BIRC6: variants seen among roughly 807,000 people sequenced by gnomAD.
The protein encoded by BIRC6 is dual E2 ubiquitin-conjugating enzyme/E3 ubiquitin-protein ligase BIRC6.
A neutral mutation model predicts 503.3 loss-of-function variants in BIRC6; 98 were observed. The ratio of observed to expected loss-of-function variants is 0.19; its 90% CI spans 0.17 to 0.23. BIRC6 has a LOEUF of 0.23. Ranked by LOEUF, BIRC6 falls within the 10% of genes least tolerant of loss-of-function variation. The pLI is 1.00. For synonymous variants in BIRC6, 2,240 were observed against 2,078.7 expected, an observed-to-expected ratio of 1.08 and a Z score of -2.11; for missense variants, 5,360 against 5,806.0, an observed-to-expected ratio of 0.92 and a Z score of 2.50.
At position 32,443,621 on chromosome 2, in the gene BIRC6, T is replaced by C. The variant is rs374942263; in HGVS notation, c.4336+33T>C. On this transcript the variant is annotated intron_variant, in intron 20 of 73. Transcript: ENST00000421745. ...AAATTAATTTAATCACAAATAGTTA[T>C]AGTCATATGGAACATCTCATATGTA... 4.9e-4 allele frequency: 709 copies of C among 1,450,226 alleles called. 2 individuals carry two copies. Among genetic ancestry groups the C allele is most frequent in the Middle Eastern group, 2.8e-3 (14 of 5,040 alleles). The allele number at this position is 1,450,226 out of a possible 1,614,324, so 89.8% of individuals were successfully genotyped here. A position where few individuals can be genotyped will look rare whatever the true frequency, so the allele number is the denominator to read the frequency against.
intron 34 of BIRC6, among the ~76,000 whole-genome samples, chr2:32,476,745 A>G (rs2049809650): frequency 1.3e-5 from 2 of 152,108 alleles, no homozygotes; most frequent in Admixed American, 6.5e-5. Context: ...TACCCTTAGT[A>G]TTGTTATTGG....
chr2:32,460,245 G>GATATATATATATATATATATATAT (rs1269564471), intron 23 of BIRC6, among the ~76,000 whole-genome samples: 1 of 30,984 alleles, frequency 3.2e-5, no homozygotes, highest in African/African-American at 1.2e-4. Context: ...TCTCGTATAT[G>GATATATATATATATATATATATAT]ATATATATAT....
At chr2:32,393,203 A>G (rs1242653470) in intron 5 of BIRC6, among the ~76,000 whole-genome samples, 2 of 152,094 alleles carry the variant, frequency 1.3e-5, no homozygotes, top group East Asian at 3.9e-4. Flanking sequence ...GCATTAAAGA[A>G]CTGATTAAGT....
intron 10 of BIRC6, among the ~76,000 whole-genome samples, chr2:32,419,273 CAT>C (rs2042698717): frequency 1.3e-5 from 2 of 152,200 alleles, no homozygotes; most frequent in South Asian, 4.1e-4. Context: ...ATTCAAATAA[CAT>C]AAAACTATTT....
At chr2:32,539,052 A>T (rs1339608967) in intron 61 of BIRC6, among the ~76,000 whole-genome samples, 2 of 152,314 alleles carry the variant, frequency 1.3e-5, no homozygotes, top group African/African-American at 4.8e-5. Context: ...TGAAAGAAAA[A>T]AGCTGCTACC....
At chr2:32,381,738 G>A (rs955983853) in intron 3 of BIRC6, among the ~76,000 whole-genome samples, 5 of 152,002 alleles carry the variant, frequency 3.3e-5, no homozygotes, top group African/African-American at 7.2e-5. Context: ...TAGAAATTGG[G>A]TTTCACTATG....
chr2:32,488,543 T>C, intron 41 of BIRC6, 45 bp from the exon 42 acceptor site: 1 of 1,444,480 alleles, frequency 6.9e-7, no homozygotes, highest in Non-Finnish European at 9.2e-7. Flanking sequence ...TATTTCATAT[T>C]ATAATAGGTA....
chr2:32,375,789 C>T (rs2036679299), intron 1 of BIRC6, among the ~76,000 whole-genome samples: 1 of 145,240 alleles, frequency 6.9e-6, no homozygotes, highest in Admixed American at 7.0e-5. Context: ...AATCATATGA[C>T]TTGTCCCTGC....
intron 9 of BIRC6, among the ~76,000 whole-genome samples, chr2:32,411,429 TA>T (rs1437719074): frequency 6.8e-6 from 1 of 146,702 alleles, no homozygotes; most frequent in Non-Finnish European, 1.5e-5. Flanking sequence ...TTTATTTTTT[TA>T]TTTTTTTTTT....
At chr2:32,534,233 G>C (rs191082290) in intron 61 of BIRC6, among the ~76,000 whole-genome samples, 1 of 151,012 alleles carries the variant, frequency 6.6e-6, no homozygotes, top group African/African-American at 2.4e-5. Flanking sequence ...AATTAGCCCG[G>C]TGTGGTAGTG....
At position 32,415,041 on chromosome 2, in the gene BIRC6, A is replaced by T; in HGVS notation, c.1750A>T (p.Ser584Cys). Residue 584 changes from serine (S) to cysteine (C), a missense_variant, in exon 10 of 74, where the codon AGT becomes TGT. Ser to Cys is a moderately radical substitution (Grantham distance 112). Around this residue, in one of 16 missense-constraint regions of BIRC6, gnomAD observed 700 missense variants for 739.3 expected, o/e 0.95. Coordinates refer to ENST00000421745, the MANE Select transcript of BIRC6 (RefSeq NM_016252.4). Reference sequence around the variant, plus strand: ...TAAATCTCCTGCTACCTCACCCATTAGTAGTAATTCTCACAGGTCACTGGA... The same window carrying T: ...TAAATCTCCTGCTACCTCACCCATTTGTAGTAATTCTCACAGGTCACTGGA... Reference protein sequence around the residue: ...TYKSPATSPISSNSHRSLDGL... With the variant: ...TYKSPATSPICSNSHRSLDGL... 1 of 1,613,950 alleles carries T rather than the reference A, an allele frequency of 6.2e-7. No individual in the cohort carries two copies. The highest frequency in any genetic ancestry group is 8.5e-7 in the Non-Finnish European group (1 of 1,179,876).
chr2:32,453,985 G>A (rs2046977244), intron 23 of BIRC6, 43 bp downstream of exon 23: 3 of 1,450,068 alleles, frequency 2.1e-6, no homozygotes, highest in Admixed American at 1.9e-5. Context: ...TATACTTTAT[G>A]CAGTAATAAA....
chr2:32,517,841 A>C (rs1253677863), intron 55 of BIRC6, among the ~76,000 whole-genome samples: 1 of 152,088 alleles, frequency 6.6e-6, no homozygotes, highest in East Asian at 1.9e-4. Flanking sequence ...TTAGTTTCCC[A>C]AAGTTCTGAG....
intron 21 of BIRC6, among the ~76,000 whole-genome samples, chr2:32,447,424 C>T (rs1373548623): frequency 7.7e-5 from 11 of 143,398 alleles, no homozygotes; most frequent in South Asian, 4.5e-4. Flanking sequence ...GCTGGCCGGG[C>T]GGGGGGCTGA....
In BIRC6 at chr2:32,368,981, T is replaced by G. The variant is rs866362803; in HGVS notation, c.326-8607T>G. Among the ~76,000 whole-genome samples the G allele has an allele frequency of 8.4e-4, 128 of 152,192 alleles. 1 individual carries two copies. The highest frequency in any genetic ancestry group is 3.0e-3 in the African/African-American group (123 of 41,452). ...TTAATTACCTCTTGATATACTATAG[T>G]AATTAATGCCATAAGGAAAATTACA... On this transcript the variant is annotated intron_variant, in intron 1 of 73. Transcript: ENST00000421745.
chr2:32,577,455 T>TA (rs2060340686), intron 66 of BIRC6, among the ~76,000 whole-genome samples: 1 of 152,160 alleles, frequency 6.6e-6, no homozygotes, highest in African/African-American at 2.4e-5. Context: ...TAGCCTTGAT[T>TA]AAAAACAGTA....
At chr2:32,582,751 G>C (rs2060763028) in intron 66 of BIRC6, among the ~76,000 whole-genome samples, 1 of 152,058 alleles carries the variant, frequency 6.6e-6, no homozygotes, top group Non-Finnish European at 1.5e-5. Flanking sequence ...GCAAGACTCT[G>C]TCTCAAAAAC....
chr2:32,542,165 G>C (rs2057713355), intron 61 of BIRC6, among the ~76,000 whole-genome samples: 1 of 151,680 alleles, frequency 6.6e-6, no homozygotes, highest in Non-Finnish European at 1.5e-5. Context: ...TATTTTCTAG[G>C]TATGTTTGCT....
rs1160861045 is a variant in BIRC6, at chr2:32,459,872, G to T, written c.4754-3322G>T. Among the ~76,000 whole-genome samples, 5 of 151,124 alleles carry T rather than the reference G, an allele frequency of 3.3e-5. No individual in the cohort carries two copies. The East Asian group carries it at 5.8e-4, about 18-fold the overall frequency. The stretch of plus-strand genomic sequence containing the variant: ...ATCATTCCATTCATTTGGTATTTGT[G>T]TATAAAACTATAATTGATTTGTATA... On this transcript the variant is annotated intron_variant, in intron 23 of 73. Coordinates refer to ENST00000421745, the MANE Select transcript of BIRC6 (RefSeq NM_016252.4).
Sources: allele counts gnomAD v4.1 joint callset (sites outside exome capture counted in the v4.1 genomes callset), GRCh38; gene constraint gnomAD v4.1.1; regional missense constraint gnomAD v4.1.1; transcripts MANE v1.5; gene names NCBI Gene and HGNC (gene_info 2026-07-23, HGNC 2026-07-21).